KAZN: variants seen among roughly 807,000 people sequenced by gnomAD.
The protein encoded by KAZN is kazrin, periplakin interacting protein.
A neutral mutation model predicts 87.4 loss-of-function variants in KAZN; 40 were observed. The observed-to-expected ratio is 0.46, with a 90% CI of 0.36 to 0.60. The LOEUF (loss-of-function observed/expected upper bound fraction) is 0.60, where lower values mean the gene tolerates loss of function less well. KAZN is among the 20% of genes least tolerant of loss of function. The pLI is 0.00. For missense variants in KAZN, 898 were observed against 1,073.9 expected, an observed-to-expected ratio of 0.84 and a Z score of 2.29; for synonymous variants, 466 against 458.3, an observed-to-expected ratio of 1.02 and a Z score of -0.22.
In KAZN at chr1:15,044,153, G is replaced by A; in HGVS notation, c.720G>A (p.Leu240=). ...GGATGAAGGAGCTGGAGGCCGAGCTGGCCATGGTGAGAACCCTCCCCACCC... is the reference window on the plus strand; with the variant it reads ...GGATGAAGGAGCTGGAGGCCGAGCTAGCCATGGTGAGAACCCTCCCCACCC... ...DNRMKELEAE[L]AMAKQSLATL... Residue 240 remains leucine (L), a synonymous_variant, in exon 4 of 15, where the codon CTG becomes CTA. Transcript: ENST00000376030. The A allele has an allele frequency of 1.2e-6, 2 of 1,604,876 alleles. No homozygotes were observed. Among genetic ancestry groups the A allele is most frequent in the Non-Finnish European group, 1.7e-6 (2 of 1,175,282 alleles).
chr1:14,567,080 A>C (rs981564227), intron 2 of KAZN, among the ~76,000 whole-genome samples: 1 of 152,184 alleles, frequency 6.6e-6, no homozygotes, highest in Non-Finnish European at 1.5e-5. Context: ...CTTGGCTTTC[A>C]ATGTGTCTTC....
intron 1 of KAZN, among the ~76,000 whole-genome samples, chr1:13,941,505 C>G (rs1220630970): frequency 4.6e-5 from 7 of 152,112 alleles, no homozygotes; most frequent in Non-Finnish European, 1.0e-4. Flanking sequence ...CTTGGCAAGT[C>G]AAGTCAGGGG....
chr1:15,021,369 G>A lies in KAZN; in HGVS notation c.419-13380G>A, dbSNP rs1670650202. Among the ~76,000 whole-genome samples the A allele has an allele frequency of 1.3e-5, 2 of 152,266 alleles. No individual in the cohort carries two copies. The highest frequency in any genetic ancestry group is 4.2e-4 in the South Asian group (2 of 4,814). On this transcript the variant is annotated intron_variant, in intron 2 of 14. Coordinates refer to ENST00000376030, the MANE Select transcript of KAZN (RefSeq NM_201628.3). The surrounding 1 kb of genome is among the most constrained non-coding windows in gnomAD (Gnocchi z 4.2). ...ATTTCCCCCTCCCGCTTCAACCTAG[G>A]GAATGTCCGTGTTCCGGGCCCATTC...
rs540249025 is a variant in KAZN at position 13,940,015 on chromosome 1, A to G, written c.91+46259A>G. On this transcript the variant is annotated intron_variant, in intron 1 of 16. Transcript: ENST00000636203. ...CGCCTCCCACCAGGTCCCACCTCCA[A>G]TGATGGGGATTAAAATTCAACATGA... Among the ~76,000 whole-genome samples the G allele has an allele frequency of 5.1e-4, 77 of 152,304 alleles. 1 individual carries two copies. The highest frequency in any genetic ancestry group is 1.8e-3 in the African/African-American group (74 of 41,566).
At chr1:14,704,789 C>T (rs545763620) in intron 1 of KAZN, among the ~76,000 whole-genome samples, 3 of 152,306 alleles carry the variant, frequency 2.0e-5, no homozygotes, top group African/African-American at 7.2e-5. Flanking sequence ...GGCAGGAGGG[C>T]AGGAGGAAGA....
chr1:14,072,423 C>T (rs903047238), intron 1 of KAZN, among the ~76,000 whole-genome samples: 1 of 152,130 alleles, frequency 6.6e-6, no homozygotes, highest in Non-Finnish European at 1.5e-5. Flanking sequence ...ATGGTAATGA[C>T]TCCATGTTGG....
chr1:14,421,989 A>G (rs1363060298), intron 2 of KAZN, among the ~76,000 whole-genome samples: 1 of 152,226 alleles, frequency 6.6e-6, no homozygotes, highest in Admixed American at 6.5e-5. Flanking sequence ...GCCAATGTCA[A>G]TATTTTGCAA....
chr1:14,172,611 C>T (rs2100267406), intron 1 of KAZN, among the ~76,000 whole-genome samples: 1 of 152,316 alleles, frequency 6.6e-6, no homozygotes, highest in South Asian at 2.1e-4. Flanking sequence ...GAAATCAATA[C>T]CTTATTATGC....
intron 2 of KAZN, among the ~76,000 whole-genome samples, chr1:14,319,898 T>C (rs1655932398): frequency 6.6e-6 from 1 of 152,200 alleles, no homozygotes; most frequent in Non-Finnish European, 1.5e-5. Flanking sequence ...TCAAATCTGA[T>C]TATTTTATCC....
At chr1:14,738,222 T>G (rs1307769864) in intron 1 of KAZN, among the ~76,000 whole-genome samples, 4 of 152,232 alleles carry the variant, frequency 2.6e-5, no homozygotes, top group African/African-American at 9.6e-5. Flanking sequence ...CCCAAGACTG[T>G]GATGGGATGG....
At chr1:14,503,528 C>A (rs1201725268) in intron 2 of KAZN, among the ~76,000 whole-genome samples, 1 of 148,264 alleles carries the variant, frequency 6.7e-6, no homozygotes, top group Admixed American at 6.8e-5. Context: ...GTGCTTACAG[C>A]ATATCCTGGC....
intron 13 of KAZN, among the ~76,000 whole-genome samples, chr1:15,109,611 A>ATG (rs61148632): frequency 2.0e-5 from 3 of 151,134 alleles, no homozygotes; most frequent in Admixed American, 6.6e-5. Flanking sequence ...ATGTATGGGT[A>ATG]TGTGTGTGTG....
chr1:14,658,838 G>A (rs929330253), intron 1 of KAZN, among the ~76,000 whole-genome samples: 3 of 152,154 alleles, frequency 2.0e-5, no homozygotes, highest in African/African-American at 7.2e-5. Flanking sequence ...CTGCTTTAGG[G>A]CACTCCCAGC....
intron 2 of KAZN, among the ~76,000 whole-genome samples, chr1:14,181,664 A>G (rs991022753): frequency 6.6e-6 from 1 of 152,068 alleles, no homozygotes; most frequent in African/African-American, 2.4e-5. Context: ...GCTCTCCTTC[A>G]TTATAAACAG....
At chr1:14,528,389 C>T (rs1330153782) in intron 2 of KAZN, among the ~76,000 whole-genome samples, 1 of 144,802 alleles carries the variant, frequency 6.9e-6, no homozygotes, top group Non-Finnish European at 1.5e-5. Context: ...ATTATTTTCA[C>T]ATTTACTGAG....
rs3033865 is a variant in KAZN at position 14,188,194 on chromosome 1, CGTGTGTGTGTGTGTGTGTGT to C, written c.249+7626_249+7645del. Among the ~76,000 whole-genome samples the C allele has an allele frequency of 2.4e-3, 333 of 140,150 alleles. 5 individuals carry two copies. Among genetic ancestry groups the C allele is most frequent in the Admixed American group, 0.014 (188 of 13,800 alleles). 91.9% of individuals were successfully genotyped at this position (140,150 alleles called of 152,430 possible). On this transcript the variant is annotated intron_variant, in intron 2 of 16. Coordinates refer to the KAZN transcript ENST00000636203. ...GGGGATGGAGAGAGAGAGAGAGGAG[CGTGTGTGTGTGTGTGTGTGT>C]GTGTGTGTGTGTGTGTGTGTGTGAA...
chr1:14,702,409 A>T (rs1641982179), intron 1 of KAZN, among the ~76,000 whole-genome samples: 1 of 149,842 alleles, frequency 6.7e-6, no homozygotes, highest in South Asian at 2.1e-4. Context: ...CCATGTCCTC[A>T]AAGAGGTTTT....
intron 1 of KAZN, among the ~76,000 whole-genome samples, chr1:14,926,684 G>A (rs1405076804): frequency 6.6e-6 from 1 of 152,222 alleles, no homozygotes; most frequent in Non-Finnish European, 1.5e-5. Flanking sequence ...GCTGTTACAA[G>A]GGGCTTTCCT....
intron 1 of KAZN, among the ~76,000 whole-genome samples, chr1:14,857,935 T>C (rs1482056043): frequency 6.6e-6 from 1 of 152,188 alleles, no homozygotes; most frequent in Non-Finnish European, 1.5e-5. Flanking sequence ...AGATACTCTG[T>C]ACCTATGAGT....
Sources: gnomAD v4.1 joint callset for allele counts (sites outside exome capture counted in the v4.1 genomes callset) on GRCh38, gnomAD v4.1.1 for gene constraint, Gnocchi (gnomAD v3.1) non-coding constraint, MANE v1.5 for transcripts, NCBI Gene and HGNC (gene_info 2026-07-23, HGNC 2026-07-21) for gene names.